The following ATP2C2 variants were observed in gnomAD, a reference collection of about 807,000 sequenced individuals.
ATP2C2 encodes the protein calcium-transporting ATPase type 2C member 2.
In ATP2C2, 171 loss-of-function variants were observed where a neutral mutation model predicts 110.8. The observed-to-expected ratio is 1.54, with a 90% CI of 1.36 to 1.75. ATP2C2 has a LOEUF of 1.75. ATP2C2 is among the 40% of genes most tolerant of loss of function. The pLI is 0.00. For synonymous variants in ATP2C2, 804 were observed against 508.4 expected, an observed-to-expected ratio of 1.58 and a Z score of -7.82; for missense variants, 1,963 against 1,235.0, an observed-to-expected ratio of 1.59 and a Z score of -8.84.
intron 21 of ATP2C2, among the ~76,000 whole-genome samples, chr16:84,456,910 AT>A (rs199907584): frequency 0.019 from 1 of 54 alleles, no homozygotes; most frequent in East Asian, 0.12. Flanking sequence ...GAAAATGGCC[AT>A]ACTGCCCAAG....
At chr16:84,375,228 C>G (rs1177028646) in intron 1 of ATP2C2, among the ~76,000 whole-genome samples, 1 of 152,168 alleles carries the variant, frequency 6.6e-6, no homozygotes, top group Non-Finnish European at 1.5e-5. Context: ...GGCTATGATT[C>G]TAATGTTTTT....
At chr16:84,459,506 G>C in intron 23 of ATP2C2, 120 bp downstream of exon 23, 1 of 1,571,516 alleles carries the variant, frequency 6.4e-7, no homozygotes. Context: ...TTTCCATCAG[G>C]AGTTCCCAGA....
intron 15 of ATP2C2, 96 bp downstream of exon 15, chr16:84,442,695 G>A (rs2288579): frequency 0.19 from 227,303 of 1,200,238 alleles, 26,626 homozygotes; most frequent in East Asian, 0.56. Context: ...ACAGGAGTGG[G>A]GACGTTAGGT....
intron 6 of ATP2C2, among the ~76,000 whole-genome samples, chr16:84,412,393 T>C (rs939358298): frequency 1.4e-5 from 2 of 143,372 alleles, no homozygotes; most frequent in Non-Finnish European, 3.1e-5. Context: ...TATATGTGTC[T>C]GTGTGTGTCT....
intron 1 of ATP2C2, among the ~76,000 whole-genome samples, chr16:84,396,782 A>G (rs1905010404): frequency 6.6e-6 from 1 of 151,866 alleles, no homozygotes; most frequent in Non-Finnish European, 1.5e-5. Flanking sequence ...TCTACAAAGA[A>G]TGCAATGTTG....
chr16:84,451,927 C>T lies in ATP2C2; in HGVS notation c.1667C>T (p.Ala556Val). 6.2e-7 allele frequency: 1 copy of T among 1,613,928 alleles called. No individual in the cohort carries two copies. Among genetic ancestry groups the T allele is most frequent in the Non-Finnish European group, 8.5e-7 (1 of 1,179,962 alleles). The change falls in exon 18 of 27, where the codon GCC becomes GTC. Residue 556 changes from alanine (A) to valine (V), a missense_variant. By Grantham distance (64) the Ala-to-Val change is moderately conservative. Coordinates refer to ENST00000262429, the MANE Select transcript of ATP2C2 (RefSeq NM_014861.4). ...ACTCCCCCTCTCTCCTCAGTGCTGG[C>T]CCTGGCTTCTGGGCCCGAGCTGGGG... Reference protein sequence around the residue: ...RMGSLGLRVLALASGPELGRL... With the variant: ...RMGSLGLRVLVLASGPELGRL...
chr16:84,390,439 C>G (rs1235809870), intron 1 of ATP2C2, among the ~76,000 whole-genome samples: 1 of 152,234 alleles, frequency 6.6e-6, no homozygotes, highest in Non-Finnish European at 1.5e-5. Context: ...AAACCTTTCT[C>G]TTCTAGGCCG....
intron 3 of ATP2C2, among the ~76,000 whole-genome samples, chr16:84,408,145 A>T (rs1459061106): frequency 6.6e-6 from 1 of 152,180 alleles, no homozygotes; most frequent in Non-Finnish European, 1.5e-5. Flanking sequence ...GAGAGGCGAG[A>T]CCAAGAACTC....
chr16:84,425,736 T>C lies in ATP2C2; in HGVS notation c.921T>C (p.Gly307=), dbSNP rs779461395. The change falls in exon 11 of 27, where the codon GGT becomes GGC. Residue 307 remains glycine, a splice_region_variant and synonymous_variant. Transcript: ENST00000262429. ...AGGATGTTTTTGTCTCTTCCCCAGG[T>C]CTCATCATGCTCATTGGCTGGTCGC... ...QLTLFSFGII[G]LIMLIGWSQG... 1 of 1,614,028 alleles carries C rather than the reference T, an allele frequency of 6.2e-7. No homozygotes were observed. The highest frequency in any genetic ancestry group is 8.5e-7 in the Non-Finnish European group (1 of 1,179,964).
chr16:84,460,485 C>G lies in ATP2C2; in HGVS notation c.2334-169C>G, dbSNP rs769428754. On this transcript the variant is annotated intron_variant, in intron 23 of 26. Coordinates refer to ENST00000262429, the MANE Select transcript of ATP2C2 (RefSeq NM_014861.4). Reference sequence around the variant, plus strand: ...CTGCCCATGGACCCAGGCTCTGGGGCTTCTGGAAGGTGCCGAGGAGGGCAG... The same window carrying G: ...CTGCCCATGGACCCAGGCTCTGGGGGTTCTGGAAGGTGCCGAGGAGGGCAG... 16 of 893,048 alleles carry G rather than the reference C, an allele frequency of 1.8e-5. No homozygotes were observed. The Admixed American group carries it at 2.9e-4, about 16-fold the overall frequency. 55.3% of individuals were successfully genotyped at this position (893,048 alleles called of 1,614,324 possible).
intron 13 of ATP2C2, among the ~76,000 whole-genome samples, chr16:84,439,961 A>G (rs927278164): frequency 2.0e-5 from 3 of 152,158 alleles, no homozygotes; most frequent in African/African-American, 7.2e-5. Flanking sequence ...CAGCTTCCCA[A>G]GTAGCTGGGA....
intron 11 of ATP2C2, among the ~76,000 whole-genome samples, chr16:84,429,312 C>T (rs1158791666): frequency 6.6e-6 from 1 of 152,084 alleles, no homozygotes; most frequent in Non-Finnish European, 1.5e-5. Flanking sequence ...CCACCACACC[C>T]AGCTAATTTT....
intron 21 of ATP2C2, among the ~76,000 whole-genome samples, chr16:84,455,477 C>G (rs952041408): frequency 4.6e-5 from 7 of 152,148 alleles, no homozygotes; most frequent in African/African-American, 7.2e-5. Flanking sequence ...CATCGCTGAC[C>G]ACGGAGGTGC....
At chr16:84,449,244 C>T (rs1022773302) in intron 17 of ATP2C2, among the ~76,000 whole-genome samples, 1 of 152,234 alleles carries the variant, frequency 6.6e-6, no homozygotes, top group Non-Finnish European at 1.5e-5. Flanking sequence ...CTTACTGGCT[C>T]AGGAGCCTTG....
At chr16:84,399,322 G>A (rs777235927) in intron 2 of ATP2C2, among the ~76,000 whole-genome samples, 8 of 152,186 alleles carry the variant, frequency 5.3e-5, no homozygotes, top group Non-Finnish European at 1.2e-4. Context: ...TATTTGGAGA[G>A]GGGGAGGAAG....
intron 4 of ATP2C2, among the ~76,000 whole-genome samples, chr16:84,409,588 C>T (rs912968049): frequency 2.0e-5 from 3 of 152,140 alleles, no homozygotes; most frequent in African/African-American, 7.2e-5. Context: ...CAGCTCAGTA[C>T]AACCTCTGCT....
rs1044700565 is a variant in ATP2C2 at position 84,454,863 on chromosome 16, G to A, written c.2026G>A (p.Val676Met). Residue 676 changes from valine to methionine, a missense_variant, in exon 21 of 27, where the codon GTG becomes ATG. Physicochemically the swap from Val to Met is conservative, Grantham distance 21. Transcript: ENST00000262429. ...GAIVAMTGDG[V>M]NDAVALKSAD... ...GATCGTGGCCATGACTGGGGATGGGGTGAACGACGCAGTGGCCCTGAAGTC... is the reference window on the plus strand; with the variant it reads ...GATCGTGGCCATGACTGGGGATGGGATGAACGACGCAGTGGCCCTGAAGTC... 1 of 1,613,656 alleles carries A rather than the reference G, an allele frequency of 6.2e-7. No homozygotes were observed. Among genetic ancestry groups the A allele is most frequent in the East Asian group, 2.2e-5 (1 of 44,850 alleles).
At chr16:84,416,866 G>C (rs247807) in intron 7 of ATP2C2, among the ~76,000 whole-genome samples, 72,339 of 152,014 alleles carry the variant, frequency 0.48, 20,745 homozygotes, top group Non-Finnish European at 0.65. Context: ...CGCCTACAAG[G>C]AGGACTGGGG....
chr16:84,375,059 G>T (rs1248566130), intron 1 of ATP2C2, among the ~76,000 whole-genome samples: 2 of 152,078 alleles, frequency 1.3e-5, no homozygotes, highest in East Asian at 3.8e-4. Context: ...CAGATACAAT[G>T]AAAACAAATA....
Sources: allele counts gnomAD v4.1 joint callset (sites outside exome capture counted in the v4.1 genomes callset), GRCh38; gene constraint gnomAD v4.1.1; transcripts MANE v1.5; gene names NCBI Gene and HGNC (gene_info 2026-07-23, HGNC 2026-07-21).